The following NLRC4 variants were observed in gnomAD, a reference collection of about 807,000 sequenced individuals.
NLRC4 encodes NLR family CARD domain containing 4, also known as NLR family CARD domain-containing protein 4.
A neutral mutation model predicts 79.9 loss-of-function variants in NLRC4; 63 were observed. The observed-to-expected ratio is 0.79, with a 90% confidence interval of 0.64 to 0.97. The LOEUF (loss-of-function observed/expected upper bound fraction) is 0.97, where lower values mean the gene tolerates loss of function less well. Ranked by LOEUF, NLRC4 falls within the 50% of genes least tolerant of loss-of-function variation. The probability of loss-of-function intolerance (pLI) is 0.00; values close to 1 mark genes in which losing one functional copy is unlikely to be tolerated. For missense variants in NLRC4, 1,074 were observed against 1,215.2 expected, an observed-to-expected ratio of 0.88 and a Z score of 1.73; for synonymous variants, 461 against 456.5, an observed-to-expected ratio of 1.01 and a Z score of -0.12.
intron 4 of NLRC4, among the ~76,000 whole-genome samples, chr2:32,243,972 A>C (rs1279731879): frequency 6.6e-6 from 1 of 151,966 alleles, no homozygotes; most frequent in Non-Finnish European, 1.5e-5. Flanking sequence ...TCCAACATCC[A>C]GGCTAGGTGG....
chr2:32,245,183 C>T (rs1038452070), intron 4 of NLRC4, among the ~76,000 whole-genome samples: 5 of 151,452 alleles, frequency 3.3e-5, no homozygotes, highest in African/African-American at 1.2e-4. Flanking sequence ...TGTTATTGGG[C>T]GCCTGTAATC....
rs1687099827 is a variant in NLRC4, at chr2:32,252,445, G to A, written c.236C>T (p.Pro79Leu). 6.2e-7 allele frequency: 1 copy of A among 1,610,340 alleles called. No individual in the cohort carries two copies. Among genetic ancestry groups the A allele is most frequent in the Non-Finnish European group, 8.5e-7 (1 of 1,176,486 alleles). Residue 79 changes from proline (P) to leucine (L), a missense_variant, in exon 3 of 9, where the codon CCT (proline) becomes CTT (leucine). By Grantham distance (98) the Pro-to-Leu change is moderately conservative (BLOSUM62 -3). Transcript: ENST00000402280. ...FLKSLKEWNY[P>L]LFQDLNGQSL... is the part of the protein sequence containing the mutation. Reference sequence around the variant, plus strand: ...TTGTCCATTCAAGTCCTGAAATAGAGGATAGTTCCACTCCTTAAGGGATTT... The same window carrying A: ...TTGTCCATTCAAGTCCTGAAATAGAAGATAGTTCCACTCCTTAAGGGATTT...
At chr2:32,243,494 A>T (rs1686853669) in intron 4 of NLRC4, among the ~76,000 whole-genome samples, 1 of 151,626 alleles carries the variant, frequency 6.6e-6, no homozygotes, top group Admixed American at 6.6e-5. Context: ...AGAAAATGGA[A>T]TTCAGTCATG....
chr2:32,237,056 G>C (rs1351914804), intron 6 of NLRC4, among the ~76,000 whole-genome samples: 1 of 152,114 alleles, frequency 6.6e-6, no homozygotes, highest in African/African-American at 2.4e-5. Flanking sequence ...ATATGTTGAG[G>C]TAATGGAAAA....
In NLRC4 at chr2:32,261,316, C is replaced by CCCTTTTTTTTTTTTTTTTTTTTTTTTT; in HGVS notation, c.-119+3421_-119+3422insAAAAAAAAAAAAAAAAAAAAAAAAAGG. ...TTCTTTCGCCTATTAAGCCTCCCCC[C>CCCTTTTTTTTTTTTTTTTTTTTTTTTT]TTTTGTTTTTTTTTGAGATGGAGCC... On this transcript the variant is annotated intron_variant, in intron 1 of 8. Transcript: ENST00000402280. Among the ~76,000 whole-genome samples, 467 of 96,876 alleles carry CCCTTTTTTTTTTTTTTTTTTTTTTTTT rather than the reference C, an allele frequency of 4.8e-3. 24 individuals carry two copies. The highest frequency in any genetic ancestry group is 5.4e-3 in the Non-Finnish European group (261 of 48,080). 63.6% of individuals were successfully genotyped at this position (96,876 alleles called of 152,430 possible). A position where few individuals can be genotyped will look rare whatever the true frequency, so the allele number is the denominator to read the frequency against.
At position 32,256,853 on chromosome 2, in the gene NLRC4, C is replaced by T; in HGVS notation, c.-78G>A. On this transcript the variant is annotated 5_prime_UTR_variant, in exon 2 of 9. Transcript: ENST00000402280. The stretch of plus-strand genomic sequence containing the variant: ...TCCAAATGGAAAGGTCAAAGGTGAT[C>T]CCAATATTGTCCTCTTTTTTCTGTA... The T allele has an allele frequency of 1.3e-6, 1 of 763,214 alleles. No homozygotes were observed. 47.3% of individuals were successfully genotyped at this position (763,214 alleles called of 1,614,324 possible).
chr2:32,233,337 ATATATATATATATTT>A (rs1258852460), intron 8 of NLRC4, among the ~76,000 whole-genome samples: 4 of 42,756 alleles, frequency 9.4e-5, no homozygotes, highest in African/African-American at 5.0e-4. Flanking sequence ...ATATATATAT[ATATATATATATATTT>A]TTTTTTTTTT....
In NLRC4 at chr2:32,251,509, G is replaced by T; in HGVS notation, c.355C>A (p.Pro119Thr). 6.2e-7 allele frequency: 1 copy of T among 1,613,948 alleles called. No homozygotes were observed. Among genetic ancestry groups the T allele is most frequent in the Non-Finnish European group, 8.5e-7 (1 of 1,179,848 alleles). ...YHTPSFLNFY[P>T]LGEDIDIIFN... ...ATAATGTCAATATCTTCACCAAGGG[G>T]ATAAAAGTTCAGAAAAGATGGGGTA... The change falls in exon 4 of 9, where the codon CCC becomes ACC. Residue 119 changes from proline to threonine, a missense_variant. By Grantham distance (38) the Pro-to-Thr change is conservative. Coordinates refer to ENST00000402280, the MANE Select transcript of NLRC4 (RefSeq NM_001199138.2).
At chr2:32,253,977 A>AAG (rs2148944704) in intron 2 of NLRC4, among the ~76,000 whole-genome samples, 1 of 151,434 alleles carries the variant, frequency 6.6e-6, no homozygotes, top group African/African-American at 2.4e-5. Flanking sequence ...AAAAAAAAAA[A>AAG]AAAAAAAGTA....
At chr2:32,234,121 C>T (rs1481608106) in intron 8 of NLRC4, among the ~76,000 whole-genome samples, 1 of 152,160 alleles carries the variant, frequency 6.6e-6, no homozygotes, top group African/African-American at 2.4e-5. Context: ...GTGGCTCAAG[C>T]CTTTAATCCC....
At chr2:32,265,435 C>T (rs966007153), upstream of NLRC4, among the ~76,000 whole-genome samples, 7 of 152,252 alleles carry the variant, frequency 4.6e-5, no homozygotes, top group Admixed American at 6.5e-5. Context: ...CCAGCCTCAG[C>T]CTCCCAAAGT....
Position 32,236,727 on chromosome 2 carries a change from G to A in NLRC4, c.2522-388C>T, listed in dbSNP as rs537470530. ...AAAGTTGCTTCAATTATAAAATGCC[G>A]TTAATCATGCAGGAGAAACAGGAAC... On this transcript the variant is annotated intron_variant, in intron 6 of 8. Coordinates refer to ENST00000402280, the MANE Select transcript of NLRC4 (RefSeq NM_001199138.2). Among the ~76,000 whole-genome samples, 11 of 152,200 alleles carry A rather than the reference G, an allele frequency of 7.2e-5. No individual in the cohort carries two copies. The South Asian group carries it at 1.0e-3, about 14-fold the overall frequency.
chr2:32,256,724 A>G, intron 2 of NLRC4, 51 bp downstream of exon 2: 1 of 777,880 alleles, frequency 1.3e-6, no homozygotes, highest in East Asian at 2.4e-5. Flanking sequence ...AATCACCAGT[A>G]TTTGGTAGCA....
At chr2:32,233,739 G>A (rs1259914268) in intron 8 of NLRC4, among the ~76,000 whole-genome samples, 1 of 152,144 alleles carries the variant, frequency 6.6e-6, no homozygotes, top group South Asian at 2.1e-4. Context: ...TCCATGTGCT[G>A]AGGAGAAGAA....
chr2:32,253,098 TG>T (rs1687121055), intron 2 of NLRC4, among the ~76,000 whole-genome samples: 1 of 152,172 alleles, frequency 6.6e-6, no homozygotes, highest in Non-Finnish European at 1.5e-5. Flanking sequence ...GAGCATCTCC[TG>T]AGTTATGGAG....
chr2:32,227,025 C>T (rs1029521552), intron 8 of NLRC4, among the ~76,000 whole-genome samples: 3 of 152,124 alleles, frequency 2.0e-5, no homozygotes, highest in Admixed American at 6.6e-5. Flanking sequence ...TAAATTTTTG[C>T]CAAGGAAGTA....
chr2:32,253,964 CAAAA>C (rs71407436), intron 2 of NLRC4, among the ~76,000 whole-genome samples: 1 of 107,942 alleles, frequency 9.3e-6, no homozygotes, highest in Admixed American at 1.0e-4. Context: ...AACTCTGTCT[CAAAA>C]AAAAAAAAAA....
At chr2:32,245,893 A>G (rs1573487287) in intron 4 of NLRC4, among the ~76,000 whole-genome samples, 1 of 152,318 alleles carries the variant, frequency 6.6e-6, no homozygotes, top group African/African-American at 2.4e-5. Context: ...TAAAAAATCA[A>G]CAGGTTGGGG....
intron 1 of NLRC4, among the ~76,000 whole-genome samples, chr2:32,260,812 G>A (rs1204888461): frequency 6.6e-5 from 10 of 152,152 alleles, no homozygotes; most frequent in African/African-American, 2.4e-4. Flanking sequence ...CGGCTTCTTC[G>A]TGCGCTATGC....
Sources: gnomAD v4.1 joint callset for allele counts (sites outside exome capture counted in the v4.1 genomes callset) on GRCh38, gnomAD v4.1.1 for gene constraint, MANE v1.5 for transcripts, NCBI Gene and HGNC (gene_info 2026-07-23, HGNC 2026-07-21) for gene names.